Variants in TEAD1 observed in about 807,000 individuals in gnomAD.
TEAD1 encodes the protein TEA domain transcription factor 1.
TEAD1 carries 9 observed loss-of-function variants against 54.9 expected under a neutral mutation model. That is an observed-to-expected ratio of 0.16 (90% CI 0.10 to 0.29). TEAD1 has a LOEUF of 0.29. TEAD1 is among the 10% of genes least tolerant of loss of function. The pLI is 1.00. For missense variants in TEAD1, 387 were observed against 535.9 expected, an observed-to-expected ratio of 0.72 and a Z score of 2.74; for synonymous variants, 200 against 187.8, an observed-to-expected ratio of 1.07 and a Z score of -0.53.
intron 2 of TEAD1, among the ~76,000 whole-genome samples, chr11:12,734,486 A>G (rs1944487397): frequency 6.6e-6 from 1 of 152,220 alleles, no homozygotes; most frequent in Non-Finnish European, 1.5e-5. Context: ...AGCGTACAGT[A>G]ATATCCTAGG....
chr11:12,802,937 G>C (rs1365432138), intron 3 of TEAD1, among the ~76,000 whole-genome samples: 4 of 152,140 alleles, frequency 2.6e-5, no homozygotes, highest in African/African-American at 9.7e-5. Context: ...TCACTGCTCT[G>C]AGTCTCATTT....
chr11:12,888,004 G>A (rs2134107915), intron 9 of TEAD1, among the ~76,000 whole-genome samples: 1 of 152,316 alleles, frequency 6.6e-6, no homozygotes, highest in East Asian at 1.9e-4. Flanking sequence ...ATTTTTAGTA[G>A]AGAAGAGAAC....
intron 3 of TEAD1, among the ~76,000 whole-genome samples, chr11:12,780,574 C>T (rs1217261361): frequency 3.3e-5 from 5 of 152,084 alleles, no homozygotes; most frequent in Non-Finnish European, 7.4e-5. Flanking sequence ...TAACAGCAAA[C>T]AACCTGAAAA....
Position 12,937,294 on chromosome 11 carries a change from A to C in TEAD1, c.*72A>C. On this transcript the variant is annotated 3_prime_UTR_variant, in exon 13 of 13. Coordinates refer to ENST00000527636, the MANE Select transcript of TEAD1 (RefSeq NM_021961.6). ...ATGTGCACACACACACTCTCTCTCC[A>C]TTATCGAACGACTGACTGTAAACCT... 1 of 1,256,594 alleles carries C rather than the reference A, an allele frequency of 8.0e-7. No individual in the cohort carries two copies. The highest frequency in any genetic ancestry group is 1.1e-6 in the Non-Finnish European group (1 of 872,444). 77.8% of individuals were successfully genotyped at this position (1,256,594 alleles called of 1,614,324 possible).
chr11:12,674,489 G>GCCGCCGCGGCCCCGCCGC lies in TEAD1; in HGVS notation c.-543_-526dup, dbSNP rs924460908. ...TGAGCCGAGCCGAGCCTCTGCTGCC[G>GCCGCCGCGGCCCCGCCGC]CCGCCGCGGCCCCGCCGCCCGCCGC... On this transcript the variant is annotated 5_prime_UTR_variant, in exon 1 of 13. Transcript: ENST00000527636. 13 of 151,148 alleles carry GCCGCCGCGGCCCCGCCGC rather than the reference G, an allele frequency of 8.6e-5. No individual in the cohort carries two copies. The highest frequency in any genetic ancestry group is 2.0e-4 in the East Asian group (1 of 5,064). 9.4% of individuals were successfully genotyped at this position (151,148 alleles called of 1,614,324 possible). A position where few individuals can be genotyped will look rare whatever the true frequency, so the allele number is the denominator to read the frequency against.
chr11:12,731,450 TG>T (rs1944423105), intron 2 of TEAD1, among the ~76,000 whole-genome samples: 1 of 152,224 alleles, frequency 6.6e-6, no homozygotes, highest in Non-Finnish European at 1.5e-5. Flanking sequence ...TTTGTATGTA[TG>T]TTTTTTTAAA....
intron 5 of TEAD1, 149 bp from the exon 6 acceptor site, chr11:12,879,558 CT>C: frequency 2.2e-6 from 2 of 922,826 alleles, no homozygotes; most frequent in Non-Finnish European, 3.4e-6. Context: ...GTTTAGCCTT[CT>C]GGCTGTGTTA....
chr11:12,804,407 A>G (rs546888343), intron 3 of TEAD1, among the ~76,000 whole-genome samples: 1 of 152,326 alleles, frequency 6.6e-6, no homozygotes, highest in East Asian at 1.9e-4. Flanking sequence ...TAAGCAGAAA[A>G]CTATAGTTTA....
At chr11:12,913,532 G>A (rs1342942303) in intron 10 of TEAD1, among the ~76,000 whole-genome samples, 4 of 152,160 alleles carry the variant, frequency 2.6e-5, no homozygotes, top group Non-Finnish European at 5.9e-5. Context: ...TACCTAAAGT[G>A]TCTTGGACAT....
chr11:12,806,468 T>TA (rs1554935955), intron 3 of TEAD1, among the ~76,000 whole-genome samples: 1 of 151,816 alleles, frequency 6.6e-6, no homozygotes, highest in Non-Finnish European at 1.5e-5. Flanking sequence ...GTCGATGGTC[T>TA]AAAAGGTGAG....
chr11:12,868,336 G>A (rs1359009387), intron 5 of TEAD1, among the ~76,000 whole-genome samples: 1 of 152,174 alleles, frequency 6.6e-6, no homozygotes, highest in Non-Finnish European at 1.5e-5. Context: ...TTAGGCAGAA[G>A]GAAAAGGAGG....
intron 2 of TEAD1, among the ~76,000 whole-genome samples, chr11:12,749,534 G>T (rs1426948095): frequency 4.6e-5 from 7 of 152,186 alleles, no homozygotes; most frequent in Non-Finnish European, 1.0e-4. Context: ...ATTTTGCTGG[G>T]GTTTGTCAGA....
rs3046322 is a variant in TEAD1, at chr11:12,900,227, A to ATTTT, written c.700-1702_700-1699dup. On this transcript the variant is annotated intron_variant, in intron 9 of 12. Coordinates refer to ENST00000527636, the MANE Select transcript of TEAD1 (RefSeq NM_021961.6). ...CAGGCATGCACCACCACACCTGGTG[A>ATTTT]TTTTTTTTTTTTTTCTGGTAGAGAT... 2.5e-4 allele frequency among the ~76,000 whole-genome samples: 36 copies of ATTTT among 142,642 alleles called. 1 individual carries two copies. Among genetic ancestry groups the ATTTT allele is most frequent in the East Asian group, 1.0e-3 (5 of 4,880 alleles). The allele number at this position is 142,642 out of a possible 152,430, so 93.6% of individuals were successfully genotyped here. A position where few individuals can be genotyped will look rare whatever the true frequency, so the allele number is the denominator to read the frequency against.
At position 12,865,052 on chromosome 11, in the gene TEAD1, G is replaced by C. The variant is rs571619875; in HGVS notation, c.330+152G>C. The C allele has an allele frequency of 1.1e-4, 92 of 864,950 alleles. No individual in the cohort carries two copies. The South Asian group carries it at 1.3e-3, about 12-fold the overall frequency. 53.6% of individuals were successfully genotyped at this position (864,950 alleles called of 1,614,324 possible). A position where few individuals can be genotyped will look rare whatever the true frequency, so the allele number is the denominator to read the frequency against. On this transcript the variant is annotated intron_variant, in intron 5 of 12. Transcript: ENST00000527636. The stretch of plus-strand genomic sequence containing the variant: ...ACATTTCTTTGTGTTTAATCTCTCT[G>C]TTTCTGTACTAGCCTCACATTAAAC...
At chr11:12,814,125 A>G (rs745688240) in intron 3 of TEAD1, among the ~76,000 whole-genome samples, 1 of 152,086 alleles carries the variant, frequency 6.6e-6, no homozygotes, top group Non-Finnish European at 1.5e-5. Flanking sequence ...ACCAGGGCTG[A>G]CGTATGGGGA....
chr11:12,929,536 T>A (rs1409017413), intron 11 of TEAD1, among the ~76,000 whole-genome samples: 1 of 152,084 alleles, frequency 6.6e-6, no homozygotes, highest in Non-Finnish European at 1.5e-5. Flanking sequence ...TGCAGCTTCA[T>A]CATGGCTGAT....
chr11:12,687,181 C>A (rs1307081888), intron 2 of TEAD1, among the ~76,000 whole-genome samples: 1 of 152,162 alleles, frequency 6.6e-6, no homozygotes, highest in East Asian at 1.9e-4. Flanking sequence ...TGCCTCTTGC[C>A]CCTCTAGCTG....
chr11:12,870,603 A>AG (rs1564970980), intron 5 of TEAD1, among the ~76,000 whole-genome samples: 1 of 152,130 alleles, frequency 6.6e-6, no homozygotes, highest in African/African-American at 2.4e-5. Flanking sequence ...ATCTAGGACA[A>AG]GGCTGGGCAC....
rs182521763 is a variant in TEAD1 at position 12,905,877 on chromosome 11, G to T, written c.873+3764G>T. Among the ~76,000 whole-genome samples, 5 of 152,264 alleles carry T rather than the reference G, an allele frequency of 3.3e-5. No individual in the cohort carries two copies. In the East Asian group the frequency reaches 7.7e-4, roughly 24 times the overall value. On this transcript the variant is annotated intron_variant, in intron 10 of 12. Transcript: ENST00000527636. ...CCTGGGCTCGGTCAGGCTAGACCAC[G>T]TGAGGGGTTTGCTATGGAAGAATAC... is the stretch of plus-strand genomic sequence containing the variant.
Sources: gnomAD v4.1 joint callset for allele counts (sites outside exome capture counted in the v4.1 genomes callset) on GRCh38, gnomAD v4.1.1 for gene constraint, MANE v1.5 for transcripts, NCBI Gene and HGNC (gene_info 2026-07-23, HGNC 2026-07-21) for gene names.